Variants in DCLK3 observed in about 807,000 individuals in gnomAD.
DCLK3 encodes the protein serine/threonine-protein kinase DCLK3.
A neutral mutation model predicts 46.4 loss-of-function variants in DCLK3; 30 were observed. The observed-to-expected ratio is 0.65, with a 90% CI of 0.48 to 0.88. The LOEUF (loss-of-function observed/expected upper bound fraction) is 0.88. Ranked by LOEUF, DCLK3 falls within the 40% of genes least tolerant of loss-of-function variation. The pLI, the probability that DCLK3 is intolerant of heterozygous loss-of-function variation, is 0.00. For missense variants in DCLK3, 846 were observed against 907.1 expected (o/e 0.93, Z 0.87); for synonymous variants, 401 against 339.2 (o/e 1.18, Z -2.00).
chr3:36,718,181 C>T lies in DCLK3; in HGVS notation c.2093-4G>A, dbSNP rs764551561. The T allele has an allele frequency of 1.5e-5, 25 of 1,613,622 alleles. No homozygotes were observed. In the Admixed American group the frequency reaches 2.0e-4, roughly 13 times the overall value. ...ATGTCCACCTCCAGTCCATAACCTG[C>T]GCAGACAGAGGCAGAGACACAAGCA... On this transcript the variant is annotated splice_region_variant and splice_polypyrimidine_tract_variant and intron_variant, in intron 3 of 4. Coordinates refer to ENST00000636136, the MANE Select transcript of DCLK3 (RefSeq NM_001394672.2).
Position 36,713,630 on chromosome 3 carries a change from A to C in DCLK3, c.*1698T>G, listed in dbSNP as rs1057304316. 2.6e-5 allele frequency: 4 copies of C among 152,202 alleles called. No homozygotes were observed. Among genetic ancestry groups the C allele is most frequent in the African/African-American group, 9.7e-5 (4 of 41,444 alleles). The allele number at this position is 152,202 out of a possible 1,614,324, so 9.4% of individuals were successfully genotyped here. On this transcript the variant is annotated 3_prime_UTR_variant, in exon 5 of 5. Transcript: ENST00000636136. ...GGGGTGTCAACGGTTTGGTTTCCCG[A>C]GAAGCCAACTCTAAAATCCAGATTA...
chr3:36,734,863 TC>T, intron 2 of DCLK3, among the ~76,000 whole-genome samples: 1 of 152,170 alleles, frequency 6.6e-6, no homozygotes, highest in Admixed American at 6.5e-5. Flanking sequence ...TTTTCCTACT[TC>T]CTCAAACCAC....
intron 1 of DCLK3, among the ~76,000 whole-genome samples, chr3:36,750,273 G>C (rs899604791): frequency 6.6e-6 from 1 of 152,080 alleles, no homozygotes; most frequent in East Asian, 1.9e-4. Flanking sequence ...GTCAAGACAG[G>C]GTTCTGCTGT....
At chr3:36,748,255 G>A (rs1429203764) in intron 1 of DCLK3, among the ~76,000 whole-genome samples, 1 of 152,188 alleles carries the variant, frequency 6.6e-6, no homozygotes, top group African/African-American at 2.4e-5. Flanking sequence ...AACAGGCCTG[G>A]GGAGCAATGA....
At position 36,715,240 on chromosome 3, in the gene DCLK3, G is replaced by T; in HGVS notation, c.*88C>A. 1 of 1,435,710 alleles carries T rather than the reference G, an allele frequency of 7.0e-7. No homozygotes were observed. Among genetic ancestry groups the T allele is most frequent in the Non-Finnish European group, 9.4e-7 (1 of 1,062,758 alleles). 88.9% of individuals were successfully genotyped at this position (1,435,710 alleles called of 1,614,324 possible). ...TCTGATTCACCAATTATGTGAAGAAGCCTCTTTCATTGTTTTTCTCTCAAA... is the reference window on the plus strand; with the variant it reads ...TCTGATTCACCAATTATGTGAAGAATCCTCTTTCATTGTTTTTCTCTCAAA... On this transcript the variant is annotated 3_prime_UTR_variant, in exon 5 of 5. Transcript: ENST00000636136.
chr3:36,753,296 A>C (rs1701459493), intron 1 of DCLK3, among the ~76,000 whole-genome samples: 1 of 152,188 alleles, frequency 6.6e-6, no homozygotes, highest in African/African-American at 2.4e-5. Flanking sequence ...CAATAGAATA[A>C]AAATCCAACA....
rs1309349121 is a variant in DCLK3, at chr3:36,737,759, T to C, written c.1408A>G (p.Lys470Glu). Reference protein sequence around the residue: ...RGEEKEAEKEKKPCMSGGRRM... With the variant: ...RGEEKEAEKEEKPCMSGGRRM... ...CTGCCTCCAGACATACATGGCTTTTTCTCCTTCTCTGCCTCCTTCTCTTCT... is the reference window on the plus strand; with the variant it reads ...CTGCCTCCAGACATACATGGCTTTTCCTCCTTCTCTGCCTCCTTCTCTTCT... Residue 470 changes from lysine (K) to glutamate (E), a missense_variant, in exon 2 of 5, where the codon AAA (lysine) becomes GAA (glutamate). This residue lies in a region of DCLK3 where 553 missense variants were observed against 543.0 expected (regional missense o/e 1.02). Transcript: ENST00000636136. The surrounding 1 kb of genome is among the most constrained non-coding windows in gnomAD (Gnocchi z 4.4). 3.1e-6 allele frequency: 5 copies of C among 1,614,172 alleles called. No individual in the cohort carries two copies. The highest frequency in any genetic ancestry group is 4.2e-6 in the Non-Finnish European group (5 of 1,180,036).
At chr3:36,732,855 G>A (rs949455781) in intron 2 of DCLK3, among the ~76,000 whole-genome samples, 2 of 152,190 alleles carry the variant, frequency 1.3e-5, no homozygotes, top group Non-Finnish European at 2.9e-5. Context: ...TGCAGAACCA[G>A]TGACTACCAT....
chr3:36,748,873 C>T (rs949837078), intron 1 of DCLK3, among the ~76,000 whole-genome samples: 2 of 152,208 alleles, frequency 1.3e-5, no homozygotes, highest in Admixed American at 6.5e-5. Context: ...TCTCTTCACA[C>T]GCAGCTCTTT....
At chr3:36,742,639 A>T (rs1007106844) in intron 1 of DCLK3, among the ~76,000 whole-genome samples, 27 of 152,246 alleles carry the variant, frequency 1.8e-4, no homozygotes. Context: ...GACTGCTTCA[A>T]GCTACTGGGA....
intron 2 of DCLK3, among the ~76,000 whole-genome samples, chr3:36,734,699 C>T (rs934275716): frequency 6.6e-6 from 1 of 151,998 alleles, no homozygotes; most frequent in African/African-American, 2.4e-5. Context: ...AGTTTGCCTT[C>T]TCTCCCTCTC....
intron 1 of DCLK3, among the ~76,000 whole-genome samples, chr3:36,758,986 G>A (rs1436663433): frequency 6.6e-6 from 1 of 152,204 alleles, no homozygotes; most frequent in Non-Finnish European, 1.5e-5. Flanking sequence ...ACTTGTAGCT[G>A]TGTTGATATT....
chr3:36,725,015 T>TAAA (rs747789503), intron 2 of DCLK3, among the ~76,000 whole-genome samples: 3 of 142,486 alleles, frequency 2.1e-5, no homozygotes, highest in Admixed American at 7.0e-5. Flanking sequence ...TCTCATTTGT[T>TAAA]AAAAAAAAAA....
At chr3:36,759,359 G>A (rs935304325) in intron 1 of DCLK3, among the ~76,000 whole-genome samples, 4 of 152,222 alleles carry the variant, frequency 2.6e-5, no homozygotes, top group Non-Finnish European at 5.9e-5. Context: ...AGACGAGCCA[G>A]AGAGACACTC....
chr3:36,728,249 C>T (rs924503648), intron 2 of DCLK3, among the ~76,000 whole-genome samples: 30 of 152,270 alleles, frequency 2.0e-4, no homozygotes, highest in African/African-American at 6.7e-4. Flanking sequence ...AAGCAAGTAT[C>T]GTGATCCCCA....
At chr3:36,733,858 C>T (rs1057292401) in intron 2 of DCLK3, among the ~76,000 whole-genome samples, 3 of 152,148 alleles carry the variant, frequency 2.0e-5, no homozygotes, top group Admixed American at 6.5e-5. Context: ...TTGATTAAAA[C>T]ATGAAAGCTT....
chr3:36,731,626 G>A (rs1252238801), intron 2 of DCLK3, among the ~76,000 whole-genome samples: 2 of 151,966 alleles, frequency 1.3e-5, no homozygotes, highest in African/African-American at 2.4e-5. Context: ...CCAGCTTCAG[G>A]TCATAAACAT....
chr3:36,734,259 G>C (rs1268535229), intron 2 of DCLK3, among the ~76,000 whole-genome samples: 1 of 152,134 alleles, frequency 6.6e-6, no homozygotes, highest in Admixed American at 6.5e-5. Flanking sequence ...CTCTACCTCT[G>C]TCTGAAAAAC....
intron 4 of DCLK3, among the ~76,000 whole-genome samples, chr3:36,715,978 GA>G (rs1254190976): frequency 6.6e-6 from 1 of 152,128 alleles, no homozygotes; most frequent in African/African-American, 2.4e-5. Flanking sequence ...GTTTCAAATC[GA>G]AACTAACACA....
Sources: allele counts gnomAD v4.1 joint callset (sites outside exome capture counted in the v4.1 genomes callset), GRCh38; gene constraint gnomAD v4.1.1; regional missense constraint gnomAD v4.1.1; non-coding constraint Gnocchi (gnomAD v3.1); transcripts MANE v1.5; gene names NCBI Gene and HGNC (gene_info 2026-07-23, HGNC 2026-07-21).